The following ADGRB2 variants were observed in gnomAD, a reference collection of about 807,000 sequenced individuals.
ADGRB2 encodes adhesion G protein-coupled receptor B2.
A neutral mutation model predicts 178.7 loss-of-function variants in ADGRB2; 47 were observed. That is an observed-to-expected ratio of 0.26 (90% CI 0.21 to 0.34). The LOEUF is 0.34. ADGRB2 is among the 10% of genes least tolerant of loss of function. ADGRB2 has a pLI of 1.00. For missense variants in ADGRB2, 1,584 were observed against 2,180.8 expected, an observed-to-expected ratio of 0.73 and a Z score of 5.45; for synonymous variants, 870 against 912.4, an observed-to-expected ratio of 0.95 and a Z score of 0.84.
chr1:31,736,116 A>G (rs908648323), intron 22 of ADGRB2, among the ~76,000 whole-genome samples: 5 of 152,194 alleles, frequency 3.3e-5, no homozygotes, highest in African/African-American at 4.8e-5. Context: ...GGGATGAAGC[A>G]AGGCTGACTC....
rs1569680617 is a variant in ADGRB2, at chr1:31,727,831, C to T, written c.4572+194G>A. The T allele has an allele frequency of 2.2e-6, 2 of 899,684 alleles. No homozygotes were observed. The highest frequency in any genetic ancestry group is 5.3e-5 in the East Asian group (2 of 37,610). 55.7% of individuals were successfully genotyped at this position (899,684 alleles called of 1,614,324 possible). A position where few individuals can be genotyped will look rare whatever the true frequency, so the allele number is the denominator to read the frequency against. ...GTCTCCTGCTGACCACTCTCCCTCC[C>T]AATCCTGGAGGACCTCCACCCCTGT... On this transcript the variant is annotated intron_variant, in intron 32 of 32. Coordinates refer to ENST00000373658, the MANE Select transcript of ADGRB2 (RefSeq NM_001364857.2). This position sits in a 1 kb window ranked among gnomAD's most constrained non-coding sequence, Gnocchi z 4.4.
In ADGRB2 at chr1:31,738,688, C is replaced by A. The variant is rs558044897; in HGVS notation, c.2602-58G>T. The A allele has an allele frequency of 2.5e-6, 4 of 1,605,236 alleles. No homozygotes were observed. In the South Asian group the frequency reaches 4.4e-5, roughly 18 times the overall value. On this transcript the variant is annotated intron_variant, in intron 16 of 32. Coordinates refer to ENST00000373658, the MANE Select transcript of ADGRB2 (RefSeq NM_001364857.2). ...GAGGGAAGCTCACCACACCCCACCA[C>A]TGCCCATGCCATGGGGGCCACAGCA...
intron 1 of ADGRB2, among the ~76,000 whole-genome samples, chr1:31,762,979 G>A (rs1231175495): frequency 6.6e-6 from 1 of 152,204 alleles, no homozygotes; most frequent in African/African-American, 2.4e-5. Flanking sequence ...CTGTGCCCTC[G>A]GACCAAGCTG....
At position 31,736,386 on chromosome 1, in the gene ADGRB2, C is replaced by T. The variant is rs200822256; in HGVS notation, c.3135G>A (p.Leu1045=). The change falls in exon 22 of 33, where the codon CTG becomes CTA. Residue 1045 remains leucine, a synonymous_variant. Transcript: ENST00000373658. ...RKRFLCLGWG[L]PALVVAVSVG... is the part of the protein sequence containing the mutation. ...CAGACACGGCCACCACCAGGGCAGGCAGACCTGGGGGAGCAGGGGTGCCAG... is the reference window on the plus strand; with the variant it reads ...CAGACACGGCCACCACCAGGGCAGGTAGACCTGGGGGAGCAGGGGTGCCAG... The T allele has an allele frequency of 6.2e-7, 1 of 1,613,928 alleles. No individual in the cohort carries two copies. Among genetic ancestry groups the T allele is most frequent in the Non-Finnish European group, 8.5e-7 (1 of 1,179,962 alleles).
chr1:31,728,055 C>T lies in ADGRB2; in HGVS notation c.4542G>A (p.Ser1514=), dbSNP rs140855923. The part of the protein sequence containing the change: ...AKREKRWSVS[S]GGAAERSVCT... ...ACACGCTCCGCTCGGCTGCCCCACCCGAGGACACACTCCACCGCTTCTCCC... is the reference window on the plus strand; with the variant it reads ...ACACGCTCCGCTCGGCTGCCCCACCTGAGGACACACTCCACCGCTTCTCCC... The change falls in exon 32 of 33, where the codon TCG becomes TCA. Residue 1514 remains serine, a synonymous_variant. Transcript: ENST00000373658. This position sits in a 1 kb window ranked among gnomAD's most constrained non-coding sequence, Gnocchi z 6.7. The T allele has an allele frequency of 6.6e-5, 105 of 1,595,040 alleles. 1 individual carries two copies. In the African/African-American group the frequency reaches 1.1e-3, roughly 16 times the overall value.
Position 31,739,602 on chromosome 1 carries a change from A to G in ADGRB2, c.2201T>C (p.Val734Ala). The G allele has an allele frequency of 1.2e-6, 2 of 1,602,300 alleles. No individual in the cohort carries two copies. Among genetic ancestry groups the G allele is most frequent in the Admixed American group, 3.4e-5 (2 of 59,374 alleles). Residue 734 changes from valine to alanine, a missense_variant, in exon 15 of 33, where the codon GTG becomes GCG. Physicochemically the swap from Val to Ala is moderately conservative, Grantham distance 64 (BLOSUM62 0). Transcript: ENST00000373658. ...ISIQREPVSA[V>A]SSDITFPMRG... ...CATGGGGAACGTGATGTCACTGGACACAGCTGAGACGGGCTCTCGCTGAAT... is the reference window on the plus strand; with the variant it reads ...CATGGGGAACGTGATGTCACTGGACGCAGCTGAGACGGGCTCTCGCTGAAT...
intron 28 of ADGRB2, 60 bp from the exon 29 acceptor site, chr1:31,731,479 A>G (rs1645280116): frequency 2.0e-6 from 3 of 1,517,256 alleles, no homozygotes; most frequent in Non-Finnish European, 2.7e-6. Flanking sequence ...TCCAGATGCC[A>G]TTGCCCAGGC....
At position 31,727,199 on chromosome 1, in the gene ADGRB2, A is replaced by T; in HGVS notation, c.*221T>A. The T allele has an allele frequency of 2.0e-6, 1 of 501,896 alleles. No homozygotes were observed. Among genetic ancestry groups the T allele is most frequent in the South Asian group, 3.1e-5 (1 of 32,496 alleles). 31.1% of individuals were successfully genotyped at this position (501,896 alleles called of 1,614,324 possible). A position where few individuals can be genotyped will look rare whatever the true frequency, so the allele number is the denominator to read the frequency against. On this transcript the variant is annotated 3_prime_UTR_variant, in exon 33 of 33. Coordinates refer to ENST00000373658, the MANE Select transcript of ADGRB2 (RefSeq NM_001364857.2). This position sits in a 1 kb window ranked among gnomAD's most constrained non-coding sequence, Gnocchi z 4.4. ...CAGGGACGGACAGGCTGGGCTGAAG[A>T]TGGGGTTCCAGTGGCTGAGGGGCCT...
intron 1 of ADGRB2, among the ~76,000 whole-genome samples, chr1:31,762,888 GGCC>G (rs1647083638): frequency 6.6e-6 from 1 of 152,178 alleles, no homozygotes; most frequent in Non-Finnish European, 1.5e-5. Context: ...GGCATCTCTC[GGCC>G]CGGGCGCCCC....
rs1355749416 is a variant in ADGRB2, at chr1:31,732,963, C to T, written c.3624+9G>A. ...TGGGCACACACAGGCGGGAGAGGCCCAGCCCCACCTCTCGGCGCAGGAAGC... is the reference window on the plus strand; with the variant it reads ...TGGGCACACACAGGCGGGAGAGGCCTAGCCCCACCTCTCGGCGCAGGAAGC... On this transcript the variant is annotated intron_variant, in intron 26 of 32. Coordinates refer to ENST00000373658, the MANE Select transcript of ADGRB2 (RefSeq NM_001364857.2). 6.5e-7 allele frequency: 1 copy of T among 1,549,944 alleles called. No homozygotes were observed. Among genetic ancestry groups the T allele is most frequent in the Admixed American group, 2.0e-5 (1 of 51,190 alleles).
rs750911663 is a variant in ADGRB2, at chr1:31,738,607, G to A, written c.2625C>T (p.Ala875=). ...IINGTTDPHC[A]SWDYSRADAS... ...CTCACGCTCTGGAGTAGTCCCAGCT[G>A]GCGCAATGGGGATCCGTGGTCCCCT... The change falls in exon 17 of 33, where the codon GCC becomes GCT. Residue 875 remains alanine (A), a synonymous_variant. Transcript: ENST00000373658. 6.2e-7 allele frequency: 1 copy of A among 1,611,506 alleles called. No homozygotes were observed. The highest frequency in any genetic ancestry group is 8.5e-7 in the Non-Finnish European group (1 of 1,178,794).
rs1286559112 is a variant in ADGRB2, at chr1:31,756,034, C to T, written c.803G>A (p.Ser268Asn). 1.2e-6 allele frequency: 2 copies of T among 1,613,738 alleles called. No individual in the cohort carries two copies. Among genetic ancestry groups the T allele is most frequent in the East Asian group, 2.2e-5 (1 of 44,848 alleles). Reference protein sequence around the residue: ...PPAEADLHSGSSNDLFTTEMR... With the variant: ...PPAEADLHSGNSNDLFTTEMR... ...CTCGGTTGTGAACAGATCATTGCTG[C>T]TCCCCGAGTGCAAATCGGCCTCAGC... is the stretch of plus-strand genomic sequence containing the variant. Residue 268 changes from serine to asparagine, a missense_variant, in exon 4 of 33, where the codon AGC becomes AAC. This residue lies in a region of ADGRB2 where 657 missense variants were observed against 847.6 expected (regional missense o/e 0.78). Coordinates refer to ENST00000373658, the MANE Select transcript of ADGRB2 (RefSeq NM_001364857.2). The surrounding 1 kb of genome is among the most constrained non-coding windows in gnomAD (Gnocchi z 8.5).
rs775621541 is a variant in ADGRB2 at position 31,731,051 on chromosome 1, G to T, written c.4129C>A (p.Arg1377=). Residue 1377 remains arginine, a synonymous_variant, in exon 29 of 33, where the codon CGG becomes AGG. Coordinates refer to ENST00000373658, the MANE Select transcript of ADGRB2 (RefSeq NM_001364857.2). ...GCTCGCCGGGGGGTCCCCTCCGGCCGGGCCCTGGGGGCATCCTCACCACCT... is the reference window on the plus strand; with the variant it reads ...GCTCGCCGGGGGGTCCCCTCCGGCCTGGCCCTGGGGGCATCCTCACCACCT... ...GGGGEDAPRA[R]PEGTPRRAAK... 7.0e-6 allele frequency: 11 copies of T among 1,579,590 alleles called. No individual in the cohort carries two copies. The East Asian group carries it at 2.3e-4, about 33-fold the overall frequency.
Position 31,759,488 on chromosome 1 carries a change from A to C in ADGRB2, c.-190-1977T>G. The C allele has an allele frequency of 1.4e-6, 1 of 709,720 alleles. No homozygotes were observed. The highest frequency in any genetic ancestry group is 2.5e-5 in the East Asian group (1 of 40,324). The allele number at this position is 709,720 out of a possible 1,614,324, so 44.0% of individuals were successfully genotyped here. A position where few individuals can be genotyped will look rare whatever the true frequency, so the allele number is the denominator to read the frequency against. ...CGCCCCATCAAGAAGCACAAGGTCC[A>C]CATCCTTCAGAGCCACAGGCTGGCT... On this transcript the variant is annotated intron_variant, in intron 1 of 32. Coordinates refer to ENST00000373658, the MANE Select transcript of ADGRB2 (RefSeq NM_001364857.2). The surrounding 1 kb of genome is among the most constrained non-coding windows in gnomAD (Gnocchi z 4.3).
At chr1:31,763,524 G>C (rs1647109098) in intron 1 of ADGRB2, among the ~76,000 whole-genome samples, 1 of 129,458 alleles carries the variant, frequency 7.7e-6, no homozygotes, top group Admixed American at 8.2e-5. Flanking sequence ...AAGGTGGGGG[G>C]CACACTGCCC....
Position 31,744,052 on chromosome 1 carries a change from G to A in ADGRB2, c.1087+141C>T, listed in dbSNP as rs1256785532. 3 of 1,141,080 alleles carry A rather than the reference G, an allele frequency of 2.6e-6. No individual in the cohort carries two copies. The Admixed American group carries it at 9.1e-5, about 35-fold the overall frequency. 70.7% of individuals were successfully genotyped at this position (1,141,080 alleles called of 1,614,324 possible). Reference sequence around the variant, plus strand: ...CTGCACCGGGCTGGCATGGTACGCAGAGTTGGGCATGGTGTGGGGAACAGC... The same window carrying A: ...CTGCACCGGGCTGGCATGGTACGCAAAGTTGGGCATGGTGTGGGGAACAGC... On this transcript the variant is annotated intron_variant, in intron 6 of 32. Coordinates refer to ENST00000373658, the MANE Select transcript of ADGRB2 (RefSeq NM_001364857.2). The surrounding 1 kb of genome is among the most constrained non-coding windows in gnomAD (Gnocchi z 6.7).
Position 31,738,599 on chromosome 1 carries a change from T to A in ADGRB2, c.2633A>T (p.Asp878Val), listed in dbSNP as rs200047466. ...GTTDPHCASW[D>V]YSRADASSGD... ...CCACCCAACTCACGCTCTGGAGTAG[T>A]CCCAGCTGGCGCAATGGGGATCCGT... Residue 878 changes from aspartate (D) to valine (V), a missense_variant, in exon 17 of 33, where the codon GAC becomes GTC. Physicochemically the swap from Asp to Val is radical, Grantham distance 152 (BLOSUM62 -3). This residue lies in a region of ADGRB2 where 865 missense variants were observed against 1,192.8 expected (regional missense o/e 0.73). Transcript: ENST00000373658. The A allele has an allele frequency of 5.6e-6, 9 of 1,610,940 alleles. No individual in the cohort carries two copies. The highest frequency in any genetic ancestry group is 1.7e-4 in the Middle Eastern group (1 of 6,060).
In ADGRB2 at chr1:31,764,008, G is replaced by A. The variant is rs2149083707; in HGVS notation, c.-315C>T. On this transcript the variant is annotated 5_prime_UTR_variant, in exon 1 of 33. Coordinates refer to ENST00000373658, the MANE Select transcript of ADGRB2 (RefSeq NM_001364857.2). This position sits in a 1 kb window ranked among gnomAD's most constrained non-coding sequence, Gnocchi z 7.3. Reference sequence around the variant, plus strand: ...GGTAGGTAGCTGCAGCCGCGCGGAGGGCCGAGGCTCCCGCTCTCCCGGGCG... The same window carrying A: ...GGTAGGTAGCTGCAGCCGCGCGGAGAGCCGAGGCTCCCGCTCTCCCGGGCG... The A allele has an allele frequency of 3.1e-6, 3 of 982,160 alleles. No homozygotes were observed. The highest frequency in any genetic ancestry group is 2.4e-6 in the Non-Finnish European group (2 of 828,790). 60.8% of individuals were successfully genotyped at this position (982,160 alleles called of 1,614,324 possible).
Position 31,756,378 on chromosome 1 carries a change from GA to G in ADGRB2, c.458del (p.Phe153SerfsTer26). The G allele has an allele frequency of 6.2e-7, 1 of 1,613,006 alleles. No individual in the cohort carries two copies. Among genetic ancestry groups the G allele is most frequent in the Non-Finnish European group, 8.5e-7 (1 of 1,179,950 alleles). The stretch of plus-strand genomic sequence containing the variant: ...GGCACAGCTGCACGAAGTTCTTGTC[GA>G]AGTGCAGGAAGGTAAAGGGGCCTGA... ...SGSGPFTFLH[F>X]DKNFVQLCLS... On this transcript the variant is annotated frameshift_variant, in exon 4 of 33. Coordinates refer to ENST00000373658, the MANE Select transcript of ADGRB2 (RefSeq NM_001364857.2). LOFTEE classifies it high-confidence loss of function. The surrounding 1 kb of genome is among the most constrained non-coding windows in gnomAD (Gnocchi z 8.5).
Sources: gnomAD v4.1 joint callset for allele counts (sites outside exome capture counted in the v4.1 genomes callset) on GRCh38, gnomAD v4.1.1 for gene constraint, gnomAD v4.1.1 regional missense constraint, Gnocchi (gnomAD v3.1) non-coding constraint, MANE v1.5 for transcripts, NCBI Gene and HGNC (gene_info 2026-07-23, HGNC 2026-07-21) for gene names.